TEX10: variants seen among roughly 807,000 people sequenced by gnomAD.
TEX10 encodes the protein testis-expressed protein 10.
TEX10 carries 24 observed loss-of-function variants against 104.4 expected under a neutral mutation model. The ratio of observed to expected loss-of-function variants is 0.23; its 90% confidence interval spans 0.17 to 0.32. The LOEUF is 0.32. TEX10 is among the 10% of genes least tolerant of loss of function. The pLI, the probability that TEX10 is intolerant of heterozygous loss-of-function variation, is 1.00. For synonymous variants in TEX10, 396 were observed against 393.4 expected, an observed-to-expected ratio of 1.01 and a Z score of -0.08; for missense variants, 921 against 1,083.9, an observed-to-expected ratio of 0.85 and a Z score of 2.11.
chr9:100,346,632 A>G (rs1835305369), intron 3 of TEX10, 62 bp downstream of exon 3: 2 of 1,491,884 alleles, frequency 1.3e-6, no homozygotes, highest in Admixed American at 4.3e-5. Flanking sequence ...ACAGTCATCA[A>G]TGGTTAGCAG....
intron 5 of TEX10, among the ~76,000 whole-genome samples, chr9:100,332,324 G>A (rs566334386): frequency 4.6e-5 from 7 of 152,282 alleles, no homozygotes; most frequent in African/African-American, 7.2e-5. Flanking sequence ...AAAATTTACC[G>A]TAAGTTTATC....
intron 5 of TEX10, among the ~76,000 whole-genome samples, chr9:100,332,154 C>A (rs1177363055): frequency 1.3e-5 from 2 of 152,158 alleles, no homozygotes; most frequent in Non-Finnish European, 1.5e-5. Context: ...TAGAAATTAC[C>A]CATATGACTG....
chr9:100,317,291 A>C (rs535255669), intron 11 of TEX10, among the ~76,000 whole-genome samples: 1 of 152,322 alleles, frequency 6.6e-6, no homozygotes, highest in East Asian at 1.9e-4. Context: ...ACTGCTATAA[A>C]AACAGATGCA....
intron 5 of TEX10, among the ~76,000 whole-genome samples, chr9:100,335,589 A>C (rs763542522): frequency 4.0e-5 from 6 of 151,884 alleles, no homozygotes; most frequent in Non-Finnish European, 7.4e-5. Flanking sequence ...TTCAACTGTG[A>C]GTGTATGGTG....
chr9:100,335,207 CT>C (rs995767651), intron 5 of TEX10, among the ~76,000 whole-genome samples: 37 of 151,648 alleles, frequency 2.4e-4, no homozygotes, highest in African/African-American at 8.2e-4. Context: ...AGGGTCAAGA[CT>C]TTTTTTTTCT....
Position 100,320,281 on chromosome 9 carries a change from T to C in TEX10, c.2186A>G (p.His729Arg), listed in dbSNP as rs199623275. Residue 729 changes from histidine (H) to arginine (R), a missense_variant, in exon 11 of 15, where the codon CAC becomes CGC. His to Arg is a conservative substitution (Grantham distance 29, BLOSUM62 0). Around this residue, in one of 3 missense-constraint regions of TEX10, gnomAD observed 753 missense variants for 868.4 expected, o/e 0.87. Coordinates refer to ENST00000374902, the MANE Select transcript of TEX10 (RefSeq NM_017746.4). Reference protein sequence around the residue: ...YLTDLDQFLHHWDVTEAVFHS... With the variant: ...YLTDLDQFLHRWDVTEAVFHS... Reference sequence around the variant, plus strand: ...AACTATTACCTCTGTTACATCCCAGTGGTGTAAAAATTGATCCAAATCTGT... The same window carrying C: ...AACTATTACCTCTGTTACATCCCAGCGGTGTAAAAATTGATCCAAATCTGT... 6.2e-7 allele frequency: 1 copy of C among 1,611,318 alleles called. No homozygotes were observed.
intron 13 of TEX10, chr9:100,306,089 T>C (rs1366369621): frequency 6.6e-6 from 1 of 151,684 alleles, no homozygotes; most frequent in African/African-American, 2.4e-5. Flanking sequence ...AAATCCAAAA[T>C]AGAAACAAAT....
At chr9:100,320,547 T>C (rs1406155979) in intron 10 of TEX10, 149 bp from the exon 11 acceptor site, 2 of 891,946 alleles carry the variant, frequency 2.2e-6, no homozygotes, top group Non-Finnish European at 3.3e-6. Flanking sequence ...ATGCTATATT[T>C]TAAAAAATAA....
intron 12 of TEX10, among the ~76,000 whole-genome samples, chr9:100,308,922 C>T (rs186779479): frequency 6.6e-6 from 1 of 152,260 alleles, no homozygotes; most frequent in Admixed American, 6.5e-5. Context: ...TCCACTGCCT[C>T]CCCTTCATGA....
At chr9:100,312,714 T>C (rs1413140853) in intron 11 of TEX10, among the ~76,000 whole-genome samples, 1 of 152,218 alleles carries the variant, frequency 6.6e-6, no homozygotes, top group East Asian at 1.9e-4. Flanking sequence ...GAAAGTTACA[T>C]GTGCTACCAT....
At chr9:100,313,582 G>T (rs1834335293) in intron 11 of TEX10, among the ~76,000 whole-genome samples, 1 of 150,320 alleles carries the variant, frequency 6.7e-6, no homozygotes, top group African/African-American at 2.4e-5. Flanking sequence ...GGCACAGTGG[G>T]TCACACCTGT....
intron 14 of TEX10, among the ~76,000 whole-genome samples, 194 bp downstream of exon 14, chr9:100,303,438 A>AC (rs35109045): frequency 0.075 from 10,012 of 132,842 alleles, 693 homozygotes; most frequent in Non-Finnish European, 0.12. Context: ...TCACAGACAC[A>AC]CCCCCCCCCC....
intron 5 of TEX10, among the ~76,000 whole-genome samples, chr9:100,339,290 T>TAC (rs1554739448): frequency 9.5e-5 from 12 of 126,864 alleles, no homozygotes; most frequent in Admixed American, 1.7e-4. Flanking sequence ...TATATATATA[T>TAC]ACATATATAT....
At chr9:100,318,665 G>T (rs1834485254) in intron 11 of TEX10, among the ~76,000 whole-genome samples, 1 of 152,170 alleles carries the variant, frequency 6.6e-6, no homozygotes, top group Admixed American at 6.5e-5. Flanking sequence ...CAAATCTTTA[G>T]TATTAATGTT....
At chr9:100,332,300 A>C (rs1447722779) in intron 5 of TEX10, among the ~76,000 whole-genome samples, 1 of 152,240 alleles carries the variant, frequency 6.6e-6, no homozygotes, top group East Asian at 1.9e-4. Context: ...TCTTCCCCAC[A>C]GGTAGAGCTT....
rs753184363 is a variant in TEX10, at chr9:100,347,347, T to C, written c.240A>G (p.Gly80=). The C allele has an allele frequency of 1.2e-6, 2 of 1,612,936 alleles. No homozygotes were observed. The highest frequency in any genetic ancestry group is 2.2e-5 in the East Asian group (1 of 44,876). Residue 80 remains glycine, a synonymous_variant, in exon 3 of 15, where the codon GGA becomes GGG. Coordinates refer to ENST00000374902, the MANE Select transcript of TEX10 (RefSeq NM_017746.4). ...NAGVKQSALL[G]LKDLLSQYPF... is the part of the protein sequence containing the mutation. ...GGTATTGAGACAAAAGGTCTTTAAGTCCAAGAAGAGCACTTTGTTTAACCC... is the reference window on the plus strand; with the variant it reads ...GGTATTGAGACAAAAGGTCTTTAAGCCCAAGAAGAGCACTTTGTTTAACCC...
intron 1 of TEX10, 194 bp downstream of exon 1, chr9:100,352,578 A>G: frequency 6.6e-7 from 1 of 1,521,482 alleles, no homozygotes; most frequent in Non-Finnish European, 8.8e-7. Context: ...CAAACGCCCT[A>G]GGGGGTCCCG....
chr9:100,343,748 CA>C (rs1835231371), intron 4 of TEX10, among the ~76,000 whole-genome samples: 2 of 152,036 alleles, frequency 1.3e-5, no homozygotes, highest in African/African-American at 4.8e-5. Context: ...ATCAATTTAC[CA>C]ATAGAAAAAT....
At position 100,306,064 on chromosome 9, in the gene TEX10, C is replaced by T. The variant is rs1307382523; in HGVS notation, c.2466-2222G>A. 5.9e-5 allele frequency: 9 copies of T among 151,972 alleles called. No homozygotes were observed. In the South Asian group the frequency reaches 1.9e-3, roughly 32 times the overall value. 9.4% of individuals were successfully genotyped at this position (151,972 alleles called of 1,614,324 possible). A position where few individuals can be genotyped will look rare whatever the true frequency, so the allele number is the denominator to read the frequency against. ...ATAAACCAAGAACACGCGAAAATGA[C>T]AAAATACCAAATAAAAATCCAAAAT... is the stretch of plus-strand genomic sequence containing the variant. On this transcript the variant is annotated intron_variant, in intron 13 of 14. Coordinates refer to ENST00000374902, the MANE Select transcript of TEX10 (RefSeq NM_017746.4).
Sources: gnomAD v4.1 joint callset for allele counts (sites outside exome capture counted in the v4.1 genomes callset) on GRCh38, gnomAD v4.1.1 for gene constraint, gnomAD v4.1.1 regional missense constraint, MANE v1.5 for transcripts, NCBI Gene and HGNC (gene_info 2026-07-23, HGNC 2026-07-21) for gene names.